The following CSMD1 variants were observed in gnomAD, a reference collection of about 807,000 sequenced individuals.
The protein encoded by CSMD1 is CUB and sushi domain-containing protein 1.
CSMD1 carries 213 observed loss-of-function variants against 417.5 expected under a neutral mutation model. That is an observed-to-expected ratio of 0.51 (90% CI 0.46 to 0.57). CSMD1 has a LOEUF of 0.57. Ranked by LOEUF, CSMD1 falls within the 20% of genes least tolerant of loss-of-function variation. The probability of loss-of-function intolerance (pLI) is 0.00; values close to 1 mark genes in which losing one functional copy is unlikely to be tolerated. For missense variants in CSMD1, 6,923 were observed against 4,529.7 expected, an observed-to-expected ratio of 1.53 and a Z score of -15.17; for synonymous variants, 2,862 against 1,736.8, an observed-to-expected ratio of 1.65 and a Z score of -16.11.
intron 5 of CSMD1, among the ~76,000 whole-genome samples, chr8:3,795,919 G>GATAT (rs1280221513): frequency 3.6e-5 from 1 of 28,034 alleles, no homozygotes; most frequent in Non-Finnish European, 8.3e-5. Context: ...TACAGATATA[G>GATAT]ATATCTATCA....
intron 12 of CSMD1, among the ~76,000 whole-genome samples, chr8:3,441,106 A>T (rs554073503): frequency 6.6e-6 from 1 of 152,270 alleles, no homozygotes; most frequent in South Asian, 2.1e-4. Context: ...ATATGAAGAC[A>T]GAGGTAGGAG....
At chr8:4,686,451 T>C (rs1806392478) in intron 1 of CSMD1, among the ~76,000 whole-genome samples, 1 of 152,210 alleles carries the variant, frequency 6.6e-6, no homozygotes, top group African/African-American at 2.4e-5. Flanking sequence ...AAGTAGGCCT[T>C]GTGCGAGAGG....
intron 5 of CSMD1, among the ~76,000 whole-genome samples, chr8:3,995,986 C>G (rs1401929994): frequency 6.6e-6 from 1 of 152,188 alleles, no homozygotes. Flanking sequence ...GGTAGTCTCT[C>G]TGGCTATCTG....
chr8:4,430,242 G>T (rs1222174188), intron 2 of CSMD1, among the ~76,000 whole-genome samples: 1 of 152,088 alleles, frequency 6.6e-6, no homozygotes, highest in African/African-American at 2.4e-5. Context: ...TGAATACTGG[G>T]TCGGAGAAGA....
At chr8:4,837,251 AC>A (rs1800548856) in intron 1 of CSMD1, among the ~76,000 whole-genome samples, 2 of 152,214 alleles carry the variant, frequency 1.3e-5, no homozygotes, top group African/African-American at 4.8e-5. Context: ...TTGGGCATAT[AC>A]CCCCCAAAAA....
At chr8:4,658,971 G>T (rs1377345200) in intron 1 of CSMD1, among the ~76,000 whole-genome samples, 1 of 152,018 alleles carries the variant, frequency 6.6e-6, no homozygotes, top group South Asian at 2.1e-4. Flanking sequence ...TAATGTCTGT[G>T]GTAACCACGA....
intron 2 of CSMD1, among the ~76,000 whole-genome samples, chr8:4,464,165 C>G (rs1164411413): frequency 6.6e-6 from 1 of 152,156 alleles, no homozygotes; most frequent in Non-Finnish European, 1.5e-5. Context: ...TCTACTTCCT[C>G]TCTACTTCAC....
At position 4,433,690 on chromosome 8, in the gene CSMD1, T is replaced by C. The variant is rs901875580; in HGVS notation, c.303-13625A>G. ...ACTCTCCCACTTGCAGTCATTCACC[T>C]GGCATGTGAATATATAAAATTCCCA... On this transcript the variant is annotated intron_variant, in intron 2 of 69. Coordinates refer to ENST00000635120, the MANE Select transcript of CSMD1 (RefSeq NM_033225.6). Among the ~76,000 whole-genome samples, 91 of 152,226 alleles carry C rather than the reference T, an allele frequency of 6.0e-4. 1 individual carries two copies. The highest frequency in any genetic ancestry group is 1.3e-4 in the Non-Finnish European group (9 of 68,036).
chr8:4,446,058 G>T lies in CSMD1; in HGVS notation c.303-25993C>A, dbSNP rs144611078. 1.7e-3 allele frequency among the ~76,000 whole-genome samples: 259 copies of T among 152,330 alleles called. 1 individual carries two copies. The highest frequency in any genetic ancestry group is 6.0e-3 in the African/African-American group (250 of 41,578). ...TTGACACAGCCCAAGAAGAGGAGAC[G>T]AGGCTGTTTCATAGGCGGAAGGGCT... On this transcript the variant is annotated intron_variant, in intron 2 of 69. Transcript: ENST00000635120.
At chr8:4,245,392 T>G (rs1188019093) in intron 3 of CSMD1, among the ~76,000 whole-genome samples, 2 of 152,124 alleles carry the variant, frequency 1.3e-5, no homozygotes, top group Admixed American at 1.3e-4. Flanking sequence ...TCTGACAGCC[T>G]GATCCACACT....
At chr8:4,564,596 C>G (rs1449067824) in intron 2 of CSMD1, among the ~76,000 whole-genome samples, 2 of 152,082 alleles carry the variant, frequency 1.3e-5, no homozygotes, top group East Asian at 1.9e-4. Flanking sequence ...GAAAAGTAAG[C>G]AAATCCAGGT....
intron 5 of CSMD1, among the ~76,000 whole-genome samples, chr8:3,761,276 AAT>A (rs1341534044): frequency 1.3e-5 from 2 of 152,270 alleles, no homozygotes; most frequent in East Asian, 3.9e-4. Context: ...AAATAAACAC[AAT>A]AATACCCAGA....
In CSMD1 at chr8:2,938,028, C is replaced by T. The variant is rs919522208; in HGVS notation, c.*557G>A. The T allele has an allele frequency of 1.3e-5, 2 of 152,606 alleles. No individual in the cohort carries two copies. The highest frequency in any genetic ancestry group is 4.8e-5 in the African/African-American group (2 of 41,424). 9.5% of individuals were successfully genotyped at this position (152,606 alleles called of 1,614,324 possible). A position where few individuals can be genotyped will look rare whatever the true frequency, so the allele number is the denominator to read the frequency against. ...ACACACAGGGGAGCTGTGAGGTCCT[C>T]AAAGCTTGTCAGGTCTCGGAAGGAC... On this transcript the variant is annotated 3_prime_UTR_variant, in exon 70 of 70. Coordinates refer to ENST00000635120, the MANE Select transcript of CSMD1 (RefSeq NM_033225.6).
At position 3,671,217 on chromosome 8, in the gene CSMD1, G is replaced by A. The variant is rs1233718350; in HGVS notation, c.1009+37197C>T. ...AGGTATATGGGATCTATGTATAGGG[G>A]ATGTATGTATATGGGATATATATGT... is the stretch of plus-strand genomic sequence containing the variant. On this transcript the variant is annotated intron_variant, in intron 7 of 69. Transcript: ENST00000635120. Among the ~76,000 whole-genome samples the A allele has an allele frequency of 3.4e-5, 5 of 146,056 alleles. No homozygotes were observed. The South Asian group carries it at 8.6e-4, about 25-fold the overall frequency.
chr8:3,285,453 C>A (rs1803076714), intron 25 of CSMD1, among the ~76,000 whole-genome samples: 1 of 150,456 alleles, frequency 6.6e-6, no homozygotes, highest in Non-Finnish European at 1.5e-5. Context: ...GTGTCATGAT[C>A]TTGGCTCACT....
At chr8:4,290,238 T>G (rs1797285730) in intron 3 of CSMD1, among the ~76,000 whole-genome samples, 1 of 152,180 alleles carries the variant, frequency 6.6e-6, no homozygotes, top group Non-Finnish European at 1.5e-5. Flanking sequence ...AAAACCCATG[T>G]GTTTAGGCCC....
At chr8:4,418,696 G>A (rs769891912) in intron 3 of CSMD1, among the ~76,000 whole-genome samples, 4 of 152,136 alleles carry the variant, frequency 2.6e-5, no homozygotes, top group South Asian at 2.1e-4. Context: ...ATATGAAGTG[G>A]TACATTGATA....
intron 10 of CSMD1, among the ~76,000 whole-genome samples, chr8:3,566,865 C>T (rs1033021218): frequency 6.6e-5 from 10 of 152,258 alleles, no homozygotes; most frequent in South Asian, 2.1e-4. Flanking sequence ...TGGAAGGCAG[C>T]GTGGTGATTC....
intron 12 of CSMD1, among the ~76,000 whole-genome samples, chr8:3,412,416 G>A (rs1812869078): frequency 6.6e-6 from 1 of 152,104 alleles, no homozygotes; most frequent in South Asian, 2.1e-4. Flanking sequence ...GGTCTGCTGT[G>A]AGGGATATAG....
Sources: gnomAD v4.1 joint callset for allele counts (sites outside exome capture counted in the v4.1 genomes callset) on GRCh38, gnomAD v4.1.1 for gene constraint, MANE v1.5 for transcripts, NCBI Gene and HGNC (gene_info 2026-07-23, HGNC 2026-07-21) for gene names.